The following ZRANB3 variants were observed in gnomAD, a reference collection of about 807,000 sequenced individuals.
ZRANB3 encodes the protein zinc finger RANBP2-type containing 3.
A neutral mutation model predicts 133.8 loss-of-function variants in ZRANB3; 125 were observed. The ratio of observed to expected loss-of-function variants is 0.93; its 90% CI spans 0.81 to 1.08. The LOEUF is 1.08. ZRANB3 is among the 50% of genes least tolerant of loss of function. The pLI, the probability that ZRANB3 is intolerant of heterozygous loss-of-function variation, is 0.00. For synonymous variants in ZRANB3, 387 were observed against 432.7 expected (o/e 0.89, Z 1.31); for missense variants, 1,229 against 1,275.5 (o/e 0.96, Z 0.56).
intron 2 of ZRANB3, among the ~76,000 whole-genome samples, chr2:135,451,858 G>T (rs1396737057): frequency 6.6e-6 from 1 of 152,176 alleles, no homozygotes; most frequent in African/African-American, 2.4e-5. Context: ...ACTTCTAGAG[G>T]TGAAAACTAG....
At chr2:135,433,938 G>A (rs1276715335) in intron 2 of ZRANB3, among the ~76,000 whole-genome samples, 1 of 152,066 alleles carries the variant, frequency 6.6e-6, no homozygotes, top group Non-Finnish European at 1.5e-5. Flanking sequence ...CGGAGGTTGC[G>A]GTGAGTTGAG....
chr2:135,226,703 G>A (rs1227915184), intron 14 of ZRANB3, among the ~76,000 whole-genome samples: 1 of 152,220 alleles, frequency 6.6e-6, no homozygotes, highest in Non-Finnish European at 1.5e-5. Context: ...TAGCCCAGGT[G>A]ATGACAATTG....
intron 12 of ZRANB3, 108 bp from the exon 13 acceptor site, chr2:135,231,035 T>A: frequency 1.0e-6 from 1 of 990,764 alleles, no homozygotes; most frequent in Non-Finnish European, 1.4e-6. Context: ...CCTTATCCTT[T>A]AAATACCTTT....
intron 3 of ZRANB3, among the ~76,000 whole-genome samples, chr2:135,361,546 T>G (rs1296130739): frequency 6.7e-6 from 1 of 149,696 alleles, no homozygotes; most frequent in African/African-American, 2.5e-5. Context: ...TTTATTTCTA[T>G]GCATTAAAAA....
intron 3 of ZRANB3, among the ~76,000 whole-genome samples, chr2:135,386,633 A>C (rs1261249063): frequency 6.6e-6 from 1 of 152,248 alleles, no homozygotes; most frequent in African/African-American, 2.4e-5. Flanking sequence ...CAAATGTGGC[A>C]CATATACACC....
intron 6 of ZRANB3, among the ~76,000 whole-genome samples, chr2:135,342,698 G>C (rs1028955982): frequency 2.7e-5 from 4 of 149,064 alleles, no homozygotes; most frequent in Non-Finnish European, 5.9e-5. Context: ...TGAATTATCA[G>C]TTCTCCAGAG....
At position 135,210,433 on chromosome 2, in the gene ZRANB3, AAGCTATTCTCATGCCTC is replaced by A. The variant is rs532049888; in HGVS notation, c.2496-1472_2496-1456del. ...CATTGCAACCTCCGCCTTCTGGTTC[AAGCTATTCTCATGCCTC>A]AGCCTCCCGTAGCTGGGATTACGAG... On this transcript the variant is annotated intron_variant, in intron 17 of 20. Transcript: ENST00000264159. 7.1e-3 allele frequency among the ~76,000 whole-genome samples: 1,087 copies of A among 152,158 alleles called. 11 individuals carry two copies. Among genetic ancestry groups the A allele is most frequent in the African/African-American group, 0.025 (1,017 of 41,510 alleles).
At chr2:135,410,137 T>A (rs1047164759) in intron 2 of ZRANB3, among the ~76,000 whole-genome samples, 1 of 152,086 alleles carries the variant, frequency 6.6e-6, no homozygotes, top group African/African-American at 2.4e-5. Context: ...AGAAAAGTAT[T>A]TTAAAATTCA....
At chr2:135,353,407 C>A in intron 4 of ZRANB3, 43 bp downstream of exon 4, 1 of 1,417,908 alleles carries the variant, frequency 7.1e-7, no homozygotes, top group Non-Finnish European at 9.4e-7. Context: ...CAGGTACACA[C>A]AAGGAAGACT....
Position 135,419,602 on chromosome 2 carries a change from G to A in ZRANB3, c.162-28782C>T, listed in dbSNP as rs543906012. Among the ~76,000 whole-genome samples, 36 of 151,962 alleles carry A rather than the reference G, an allele frequency of 2.4e-4. 1 individual carries two copies. Among genetic ancestry groups the A allele is most frequent in the Admixed American group, 8.5e-4 (13 of 15,264 alleles). ...TTGCACCCATATACAAGTTCTAAAC[G>A]AGAAATTGTTTTGAGATAACTATCC... is the stretch of plus-strand genomic sequence containing the variant. On this transcript the variant is annotated intron_variant, in intron 2 of 20. Coordinates refer to ENST00000264159, the MANE Select transcript of ZRANB3 (RefSeq NM_032143.4).
At chr2:135,413,288 T>C (rs1009341043) in intron 2 of ZRANB3, among the ~76,000 whole-genome samples, 10 of 152,176 alleles carry the variant, frequency 6.6e-5, no homozygotes, top group Non-Finnish European at 4.4e-5. Context: ...CCTAGATCTA[T>C]CCCTCTCTTA....
chr2:135,265,602 G>A lies in ZRANB3; in HGVS notation c.1471C>T (p.Gln491Ter), dbSNP rs1558872372. 1.2e-6 allele frequency: 2 copies of A among 1,613,416 alleles called. No homozygotes were observed. Among genetic ancestry groups the A allele is most frequent in the Non-Finnish European group, 1.7e-6 (2 of 1,179,724 alleles). The change falls in exon 12 of 21, where the codon CAG (glutamine) becomes TAG (stop). Residue 491 changes from glutamine to a stop codon, truncating the protein, a stop_gained. Transcript: ENST00000264159. LOFTEE classifies it high-confidence loss of function. ...TTTGGAGTCCAAGCTTCAGCAAACT[G>A]CAGGAAATCCCATTTTTCCTTATCA... Reference protein sequence around the residue: ...EGDKEKWDFLQFAEAWTPNDS... With the variant: ...EGDKEKWDFL
At chr2:135,440,226 G>C (rs916811932) in intron 2 of ZRANB3, among the ~76,000 whole-genome samples, 1 of 152,022 alleles carries the variant, frequency 6.6e-6, no homozygotes, top group African/African-American at 2.4e-5. Flanking sequence ...TGAACTTTCT[G>C]ACCATCTCTC....
At chr2:135,232,148 C>T (rs995777361) in intron 12 of ZRANB3, among the ~76,000 whole-genome samples, 1 of 152,180 alleles carries the variant, frequency 6.6e-6, no homozygotes, top group African/African-American at 2.4e-5. Flanking sequence ...GATTATATCC[C>T]GCGCCTGGCT....
At chr2:135,334,493 A>G (rs1684283710) in intron 6 of ZRANB3, among the ~76,000 whole-genome samples, 2 of 152,168 alleles carry the variant, frequency 1.3e-5, no homozygotes, top group African/African-American at 2.4e-5. Flanking sequence ...CCATTTGCCA[A>G]TGGAATAGAC....
chr2:135,240,112 C>T (rs927748922), intron 12 of ZRANB3, among the ~76,000 whole-genome samples: 5 of 152,016 alleles, frequency 3.3e-5, no homozygotes, highest in South Asian at 2.1e-4. Flanking sequence ...GAAGCCAAGA[C>T]AGGAGGATTG....
chr2:135,469,073 C>G (rs1315336381), intron 2 of ZRANB3, among the ~76,000 whole-genome samples: 1 of 152,102 alleles, frequency 6.6e-6, no homozygotes, highest in Non-Finnish European at 1.5e-5. Context: ...CAATTCAAAA[C>G]TAAACTTCTG....
chr2:135,509,484 A>T (rs1283073670), intron 1 of ZRANB3, among the ~76,000 whole-genome samples: 2 of 152,326 alleles, frequency 1.3e-5, no homozygotes, highest in Middle Eastern at 3.4e-3. Context: ...TCTAGATATT[A>T]AAAACAATAT....
chr2:135,263,025 C>T (rs996422051), intron 12 of ZRANB3, among the ~76,000 whole-genome samples: 2 of 151,974 alleles, frequency 1.3e-5, no homozygotes, highest in African/African-American at 2.4e-5. Context: ...TAATATTGTA[C>T]TTCTGATCTT....
Sources: allele counts gnomAD v4.1 joint callset (sites outside exome capture counted in the v4.1 genomes callset), GRCh38; gene constraint gnomAD v4.1.1; transcripts MANE v1.5; gene names NCBI Gene and HGNC (gene_info 2026-07-23, HGNC 2026-07-21).